CRISPLD1: variants seen among roughly 807,000 people sequenced by gnomAD.
The protein encoded by CRISPLD1 is cysteine-rich secretory protein LCCL domain-containing 1.
Under a neutral mutation model 77.5 loss-of-function variants are expected in CRISPLD1, and 60 were observed. The ratio of observed to expected loss-of-function variants is 0.77; its 90% CI spans 0.63 to 0.96. CRISPLD1 has a LOEUF of 0.96. CRISPLD1 is among the 40% of genes least tolerant of loss of function. The pLI, the probability that CRISPLD1 is intolerant of heterozygous loss-of-function variation, is 0.00. For missense variants in CRISPLD1, 623 were observed against 615.8 expected (o/e 1.01, Z -0.12); for synonymous variants, 195 against 200.1 (o/e 0.97, Z 0.22).
chr8:75,006,193 G>C (rs1433464857), intron 2 of CRISPLD1, among the ~76,000 whole-genome samples: 1 of 152,046 alleles, frequency 6.6e-6, no homozygotes, highest in Non-Finnish European at 1.5e-5. Context: ...TTTTGTGTCT[G>C]AGCTAATGCA....
intron 13 of CRISPLD1, chr8:75,026,439 G>A (rs1040858670): frequency 2.0e-5 from 3 of 152,128 alleles, no homozygotes; most frequent in Non-Finnish European, 4.4e-5. Flanking sequence ...ACAAAGTAAC[G>A]GAGTTAAGAG....
At chr8:74,997,871 G>A (rs1462230847) in intron 2 of CRISPLD1, among the ~76,000 whole-genome samples, 1 of 152,204 alleles carries the variant, frequency 6.6e-6, no homozygotes, top group Non-Finnish European at 1.5e-5. Context: ...AGTAATTTCA[G>A]TGGTGAGGAA....
At chr8:74,999,269 C>T (rs903880951) in intron 2 of CRISPLD1, among the ~76,000 whole-genome samples, 9 of 152,114 alleles carry the variant, frequency 5.9e-5, no homozygotes, top group African/African-American at 2.2e-4. Flanking sequence ...GCTCATAAAC[C>T]TCAAGGCAAA....
At chr8:75,009,702 T>C (rs923790980) in intron 2 of CRISPLD1, among the ~76,000 whole-genome samples, 1 of 152,064 alleles carries the variant, frequency 6.6e-6, no homozygotes, top group African/African-American at 2.4e-5. Context: ...ACAACCTATG[T>C]CTTTAGGGAC....
At chr8:75,021,651 C>T (rs1317357937) in intron 12 of CRISPLD1, among the ~76,000 whole-genome samples, 1 of 152,066 alleles carries the variant, frequency 6.6e-6, no homozygotes, top group Non-Finnish European at 1.5e-5. Flanking sequence ...ATAAGGCTCA[C>T]ATATTTGATT....
intron 12 of CRISPLD1, among the ~76,000 whole-genome samples, chr8:75,021,621 G>A (rs1009457986): frequency 2.6e-5 from 4 of 152,092 alleles, no homozygotes; most frequent in African/African-American, 7.2e-5. Context: ...TGTTACTAGA[G>A]CTTGACTAAT....
At chr8:75,024,486 G>A (rs1019885304) in intron 12 of CRISPLD1, among the ~76,000 whole-genome samples, 11 of 151,970 alleles carry the variant, frequency 7.2e-5, no homozygotes, top group African/African-American at 1.9e-4. Context: ...GACCATGCCC[G>A]GCTAATTTTT....
Position 75,014,663 on chromosome 8 carries a change from C to T in CRISPLD1, c.627-149C>T, listed in dbSNP as rs1812994578. Reference sequence around the variant, plus strand: ...AGTAATTTATATTTAAACCTAGTAACCAGAAGGGCTCTATAATAAATTATA... The same window carrying T: ...AGTAATTTATATTTAAACCTAGTAATCAGAAGGGCTCTATAATAAATTATA... On this transcript the variant is annotated intron_variant, in intron 5 of 14. Coordinates refer to ENST00000262207, the MANE Select transcript of CRISPLD1 (RefSeq NM_031461.6). The T allele has an allele frequency of 1.6e-5, 8 of 491,030 alleles. No homozygotes were observed. In the South Asian group the frequency reaches 2.8e-4, roughly 17 times the overall value. 30.4% of individuals were successfully genotyped at this position (491,030 alleles called of 1,614,324 possible).
At chr8:75,030,754 A>G (rs563264259) in intron 14 of CRISPLD1, among the ~76,000 whole-genome samples, 1 of 134,126 alleles carries the variant, frequency 7.5e-6, no homozygotes, top group Non-Finnish European at 1.7e-5. Flanking sequence ...GTGTGTGTAT[A>G]TATGTGTGTA....
intron 4 of CRISPLD1, 54 bp from the exon 5 acceptor site, chr8:75,013,933 T>C (rs1812980545): frequency 4.4e-6 from 5 of 1,126,222 alleles, no homozygotes; most frequent in Non-Finnish European, 6.8e-6. Context: ...TCAGAAGTGT[T>C]GTCCTATTTC....
At chr8:75,003,684 A>C (rs1422319522) in intron 2 of CRISPLD1, among the ~76,000 whole-genome samples, 1 of 152,212 alleles carries the variant, frequency 6.6e-6, no homozygotes, top group Admixed American at 6.5e-5. Context: ...ATAGATCAAG[A>C]CTTAAAGTAC....
chr8:74,992,803 G>T (rs1299616318), intron 2 of CRISPLD1, among the ~76,000 whole-genome samples: 2 of 151,978 alleles, frequency 1.3e-5, no homozygotes, highest in African/African-American at 4.8e-5. Flanking sequence ...CAAATAACTG[G>T]TGGTACTTTC....
chr8:75,007,739 C>G (rs1463124398), intron 2 of CRISPLD1, among the ~76,000 whole-genome samples: 1 of 138,184 alleles, frequency 7.2e-6, no homozygotes, highest in Non-Finnish European at 1.5e-5. Flanking sequence ...GTAGTATGAT[C>G]ATAGCTCTCA....
chr8:75,005,469 T>G (rs1049069279), intron 2 of CRISPLD1, among the ~76,000 whole-genome samples: 1 of 152,102 alleles, frequency 6.6e-6, no homozygotes, highest in Admixed American at 6.6e-5. Context: ...TTTGAGTCAT[T>G]TGAACAATGC....
At chr8:75,026,628 G>A (rs780197532) in intron 13 of CRISPLD1, 1 of 152,168 alleles carries the variant, frequency 6.6e-6, no homozygotes, top group Non-Finnish European at 1.5e-5. Flanking sequence ...CAAACACTTA[G>A]AAACCATTAC....
chr8:75,025,510 T>G, intron 12 of CRISPLD1, 36 bp from the exon 13 acceptor site: 1 of 890,590 alleles, frequency 1.1e-6, no homozygotes, highest in Non-Finnish European at 1.6e-6. Context: ...AGTAACCAGC[T>G]TACTTAATAT....
At chr8:75,011,036 A>G (rs1300604575) in intron 2 of CRISPLD1, among the ~76,000 whole-genome samples, 2 of 151,822 alleles carry the variant, frequency 1.3e-5, no homozygotes, top group Non-Finnish European at 2.9e-5. Flanking sequence ...ATTTAGTAGT[A>G]TCATCGGTCT....
In CRISPLD1 at chr8:75,013,983, A is replaced by G; in HGVS notation, c.511-4A>G. ...TTTCTGAGCCTTTCATTTTTCTAAC[A>G]TAGGTCGTGTGGGCAACTAGTAACA... On this transcript the variant is annotated splice_polypyrimidine_tract_variant and splice_region_variant and intron_variant, in intron 4 of 14. Coordinates refer to ENST00000262207, the MANE Select transcript of CRISPLD1 (RefSeq NM_031461.6). 5 of 1,601,378 alleles carry G rather than the reference A, an allele frequency of 3.1e-6. No individual in the cohort carries two copies. Among genetic ancestry groups the G allele is most frequent in the Non-Finnish European group, 3.4e-6 (4 of 1,168,950 alleles).
chr8:75,029,446 T>TTAAC lies in CRISPLD1; in HGVS notation c.1380_1381insTAAC (p.Val461Ter). 1 of 1,613,852 alleles carries TTAAC rather than the reference T, an allele frequency of 6.2e-7. No homozygotes were observed. The highest frequency in any genetic ancestry group is 8.5e-7 in the Non-Finnish European group (1 of 1,179,774). On this transcript the variant is annotated stop_gained and frameshift_variant, in exon 14 of 15. Transcript: ENST00000262207. LOFTEE classifies it high-confidence loss of function. ...GAGTGGTTCGAAATCACGGTGGTTA[T>TTAAC]GTTGATGTAATGCCTGTGGACAAAA...
Sources: gnomAD v4.1 joint callset for allele counts (sites outside exome capture counted in the v4.1 genomes callset) on GRCh38, gnomAD v4.1.1 for gene constraint, MANE v1.5 for transcripts, NCBI Gene and HGNC (gene_info 2026-07-23, HGNC 2026-07-21) for gene names.